MACROD2: variants seen among roughly 807,000 people sequenced by gnomAD.
MACROD2 encodes the protein mono-ADP ribosylhydrolase 2, also known as ADP-ribose glycohydrolase MACROD2.
In MACROD2, 36 loss-of-function variants were observed where a neutral mutation model predicts 70.4. That is an observed-to-expected ratio of 0.51 (90% CI 0.39 to 0.68). The LOEUF (loss-of-function observed/expected upper bound fraction) is 0.68, where lower values mean the gene tolerates loss of function less well. Ranked by LOEUF, MACROD2 falls within the 30% of genes least tolerant of loss-of-function variation. The pLI is 0.00. For missense variants in MACROD2, 496 were observed against 538.4 expected (o/e 0.92, Z 0.78); for synonymous variants, 172 against 178.8 (o/e 0.96, Z 0.30).
intron 3 of MACROD2, among the ~76,000 whole-genome samples, chr20:14,112,617 T>A (rs893517315): frequency 2.6e-5 from 4 of 152,098 alleles, no homozygotes; most frequent in Middle Eastern, 3.4e-3. Flanking sequence ...TTTCTAAATA[T>A]TATTTTTTAC....
intron 4 of MACROD2, among the ~76,000 whole-genome samples, chr20:14,651,506 A>G (rs767204923): frequency 2.0e-5 from 3 of 152,210 alleles, no homozygotes; most frequent in Admixed American, 6.5e-5. Flanking sequence ...CCAAGGTTAT[A>G]TAGGAGTAAT....
intron 5 of MACROD2, among the ~76,000 whole-genome samples, chr20:15,021,031 C>T (rs1171250513): frequency 6.9e-6 from 1 of 144,138 alleles, no homozygotes; most frequent in South Asian, 2.2e-4. Context: ...TACACATGTG[C>T]ATATACGTAT....
chr20:14,528,474 A>G (rs983168485), intron 4 of MACROD2, among the ~76,000 whole-genome samples: 12 of 151,902 alleles, frequency 7.9e-5, no homozygotes, highest in African/African-American at 2.2e-4. Flanking sequence ...ACTCCTTAAC[A>G]TGGTGTACAA....
intron 9 of MACROD2, among the ~76,000 whole-genome samples, chr20:15,866,893 C>A (rs1395050211): frequency 6.6e-6 from 1 of 152,096 alleles, no homozygotes; most frequent in South Asian, 2.1e-4. Flanking sequence ...GCCCAAAGGC[C>A]TTTATAGCAT....
At chr20:14,123,346 A>G (rs1046535722) in intron 3 of MACROD2, among the ~76,000 whole-genome samples, 2 of 152,038 alleles carry the variant, frequency 1.3e-5, no homozygotes, top group African/African-American at 2.4e-5. Flanking sequence ...TCAACAAACT[A>G]TTTCTCAGCT....
chr20:14,896,302 T>A (rs567923524), intron 5 of MACROD2, among the ~76,000 whole-genome samples: 1 of 151,950 alleles, frequency 6.6e-6, no homozygotes, highest in East Asian at 1.9e-4. Context: ...CTCAAAAAAA[T>A]AAATAAATAA....
intron 8 of MACROD2, among the ~76,000 whole-genome samples, chr20:15,686,621 C>G (rs927747862): frequency 2.0e-5 from 3 of 152,008 alleles, no homozygotes; most frequent in Admixed American, 6.6e-5. Context: ...GCCTGTAATC[C>G]CAGCACTTTG....
chr20:15,856,160 C>T (rs1360978290), intron 8 of MACROD2, among the ~76,000 whole-genome samples: 2 of 152,086 alleles, frequency 1.3e-5, no homozygotes, highest in African/African-American at 4.8e-5. Flanking sequence ...TATGAAAGTT[C>T]CTGTCAGTCT....
At chr20:15,345,622 T>A (rs2078157635) in intron 6 of MACROD2, among the ~76,000 whole-genome samples, 1 of 152,210 alleles carries the variant, frequency 6.6e-6, no homozygotes, top group African/African-American at 2.4e-5. Flanking sequence ...CCACTGGAAA[T>A]ATGTGGCTTT....
At chr20:14,345,550 A>G (rs1174589669) in intron 3 of MACROD2, among the ~76,000 whole-genome samples, 2 of 151,460 alleles carry the variant, frequency 1.3e-5, no homozygotes, top group Non-Finnish European at 2.9e-5. Flanking sequence ...TCTATCGCCT[A>G]GGCTGGAGTA....
chr20:15,461,006 A>ATTTTTTTTTTTTT (rs951397131), intron 7 of MACROD2, among the ~76,000 whole-genome samples: 9 of 67,010 alleles, frequency 1.3e-4, no homozygotes, highest in South Asian at 6.8e-4. Flanking sequence ...ATATATATAT[A>ATTTTTTTTTTTTT]TTTTTTTTTA....
At chr20:14,045,729 A>G (rs1425149317) in intron 2 of MACROD2, among the ~76,000 whole-genome samples, 3 of 152,124 alleles carry the variant, frequency 2.0e-5, no homozygotes, top group African/African-American at 7.2e-5. Flanking sequence ...AGGTAAGACA[A>G]TGGAGTATAA....
chr20:14,396,347 A>G (rs1203763263), intron 3 of MACROD2, among the ~76,000 whole-genome samples: 2 of 152,148 alleles, frequency 1.3e-5, no homozygotes, highest in Non-Finnish European at 2.9e-5. Context: ...TTGTGTATTT[A>G]TTCTTGTAGT....
intron 4 of MACROD2, among the ~76,000 whole-genome samples, chr20:14,584,176 G>A (rs1025909769): frequency 4.6e-5 from 7 of 152,118 alleles, no homozygotes; most frequent in Non-Finnish European, 4.4e-5. Flanking sequence ...TTTCCCACAA[G>A]CACCTCATTT....
rs114923408 is a variant in MACROD2, at chr20:14,603,365, G to A, written c.302-81478G>A. ...TACTCAAGTCTGGTAGTGCACAATA[G>A]CCTGTAACAGGGCTGGCTACTGGTA... is the stretch of plus-strand genomic sequence containing the variant. On this transcript the variant is annotated intron_variant, in intron 4 of 17. Coordinates refer to ENST00000684519, the MANE Select transcript of MACROD2 (RefSeq NM_001351661.2). 5.3e-3 allele frequency among the ~76,000 whole-genome samples: 812 copies of A among 152,252 alleles called. 16 individuals are homozygous for A. The highest frequency in any genetic ancestry group is 0.018 in the African/African-American group (768 of 41,546).
intron 5 of MACROD2, among the ~76,000 whole-genome samples, chr20:14,707,846 A>G (rs2071288325): frequency 6.6e-6 from 1 of 152,194 alleles, no homozygotes; most frequent in Non-Finnish European, 1.5e-5. Context: ...CATTATTTTG[A>G]ATTCCACATT....
At chr20:15,419,656 T>C (rs899834082) in intron 6 of MACROD2, among the ~76,000 whole-genome samples, 1 of 152,192 alleles carries the variant, frequency 6.6e-6, no homozygotes, top group Non-Finnish European at 1.5e-5. Context: ...AGTGGGTAAT[T>C]TACTTCTCAG....
chr20:14,994,625 A>T (rs2074934266), intron 5 of MACROD2, among the ~76,000 whole-genome samples: 1 of 152,146 alleles, frequency 6.6e-6, no homozygotes, highest in Non-Finnish European at 1.5e-5. Flanking sequence ...AGGAAATAGA[A>T]AAAAAGCAGA....
chr20:14,638,210 T>C (rs1159277274), intron 4 of MACROD2, among the ~76,000 whole-genome samples: 1 of 152,192 alleles, frequency 6.6e-6, no homozygotes, highest in African/African-American at 2.4e-5. Flanking sequence ...TAAATAACCT[T>C]ACAGTAATCA....
Sources: gnomAD v4.1 joint callset for allele counts (sites outside exome capture counted in the v4.1 genomes callset) on GRCh38, gnomAD v4.1.1 for gene constraint, MANE v1.5 for transcripts, NCBI Gene and HGNC (gene_info 2026-07-23, HGNC 2026-07-21) for gene names.